NCALD: variants seen among roughly 807,000 people sequenced by gnomAD.
NCALD encodes the protein neurocalcin delta.
Under a neutral mutation model 18.6 loss-of-function variants are expected in NCALD, and 10 were observed. The ratio of observed to expected loss-of-function variants is 0.54; its 90% CI spans 0.33 to 0.91. The LOEUF is 0.91. Among genes scored for constraint, NCALD ranks in the 40% least tolerant of loss-of-function variants. NCALD has a pLI of 0.03. For missense variants in NCALD, 184 were observed against 247.6 expected (o/e 0.74, Z 1.72); for synonymous variants, 88 against 87.4 (o/e 1.01, Z -0.04).
intron 4 of NCALD, among the ~76,000 whole-genome samples, chr8:101,880,316 C>CA (rs1816435143): frequency 1.3e-5 from 2 of 152,208 alleles, no homozygotes; most frequent in African/African-American, 4.8e-5. Flanking sequence ...GAGCCCGAGC[C>CA]CACGCCCACC....
chr8:101,985,675 G>T (rs1306998226), intron 2 of NCALD, among the ~76,000 whole-genome samples: 1 of 152,196 alleles, frequency 6.6e-6, no homozygotes, highest in Non-Finnish European at 1.5e-5. Context: ...TAATGTTGCT[G>T]GGACCAGAAA....
intron 1 of NCALD, among the ~76,000 whole-genome samples, chr8:102,112,243 C>A (rs1024244097): frequency 6.6e-6 from 1 of 152,064 alleles, no homozygotes; most frequent in Non-Finnish European, 1.5e-5. Context: ...TTCTACTTAA[C>A]CCTCTCAACC....
intron 2 of NCALD, among the ~76,000 whole-genome samples, chr8:101,949,786 A>G (rs1819319098): frequency 6.6e-6 from 1 of 151,832 alleles, no homozygotes; most frequent in Non-Finnish European, 1.5e-5. Context: ...AAAAAAAAAA[A>G]TCAGGTGATA....
intron 1 of NCALD, among the ~76,000 whole-genome samples, chr8:102,038,213 A>C (rs1317094891): frequency 6.6e-6 from 1 of 152,122 alleles, no homozygotes; most frequent in Non-Finnish European, 1.5e-5. Context: ...TGAGATTTAC[A>C]TTGCCCCTAG....
At chr8:102,047,807 C>T (rs905464955) in intron 1 of NCALD, among the ~76,000 whole-genome samples, 4 of 152,078 alleles carry the variant, frequency 2.6e-5, no homozygotes, top group Non-Finnish European at 5.9e-5. Context: ...ATACAGGACC[C>T]CTCCAGTTCT....
intron 2 of NCALD, among the ~76,000 whole-genome samples, chr8:101,709,569 C>T (rs78199821): frequency 0.026 from 3,943 of 152,288 alleles, 134 homozygotes; most frequent in African/African-American, 0.078. Flanking sequence ...ATTAGCTCCC[C>T]GGGAGTGCTG....
chr8:102,056,635 G>A (rs1347062106), intron 1 of NCALD, among the ~76,000 whole-genome samples: 1 of 152,242 alleles, frequency 6.6e-6, no homozygotes, highest in East Asian at 1.9e-4. Context: ...TGAGCTGAGA[G>A]AAATCACAAG....
chr8:101,978,260 TAGTTAAG>T (rs1330097733), intron 2 of NCALD, among the ~76,000 whole-genome samples: 3 of 152,214 alleles, frequency 2.0e-5, no homozygotes, highest in Non-Finnish European at 4.4e-5. Context: ...TTTTATCCTT[TAGTTAAG>T]CAAATGGCAA....
chr8:101,709,428 T>G lies in NCALD; in HGVS notation c.378+9824A>C, dbSNP rs185626490. On this transcript the variant is annotated intron_variant, in intron 2 of 3. Transcript: ENST00000220931. Reference sequence around the variant, plus strand: ...TCTAAGCCTATCATTTTCATTGAGTTGTAAGGATAAAGAATGCAGCGTGTA... The same window carrying G: ...TCTAAGCCTATCATTTTCATTGAGTGGTAAGGATAAAGAATGCAGCGTGTA... 5.5e-3 allele frequency among the ~76,000 whole-genome samples: 831 copies of G among 152,288 alleles called. 3 individuals carry two copies. Among genetic ancestry groups the G allele is most frequent in the Non-Finnish European group, 9.6e-3 (654 of 68,004 alleles).
At chr8:101,726,439 C>T (rs951394259) in intron 1 of NCALD, among the ~76,000 whole-genome samples, 6 of 151,992 alleles carry the variant, frequency 3.9e-5, no homozygotes, top group South Asian at 2.1e-4. Flanking sequence ...GGTTGTATTC[C>T]AGGTACTGCT....
At chr8:102,008,916 CTA>C (rs1491473760) in intron 2 of NCALD, among the ~76,000 whole-genome samples, 5 of 21,224 alleles carry the variant, frequency 2.4e-4, no homozygotes, top group African/African-American at 7.5e-4. Context: ...CCCCGCCCCC[CTA>C]CACACACACA....
At chr8:101,843,483 C>T (rs1814730312) in intron 4 of NCALD, among the ~76,000 whole-genome samples, 1 of 152,000 alleles carries the variant, frequency 6.6e-6, no homozygotes, top group South Asian at 2.1e-4. Context: ...CTATCTCTGC[C>T]CTTCATAATT....
chr8:101,772,267 A>G (rs573228079), intron 1 of NCALD, among the ~76,000 whole-genome samples: 1 of 152,334 alleles, frequency 6.6e-6, no homozygotes, highest in East Asian at 1.9e-4. Flanking sequence ...GAAACATGCT[A>G]ACTTTCATTC....
chr8:102,062,977 A>T (rs866404397), intron 1 of NCALD, among the ~76,000 whole-genome samples: 60 of 152,160 alleles, frequency 3.9e-4, no homozygotes, highest in African/African-American at 1.4e-3. Flanking sequence ...AGAAAAAAAA[A>T]TCCTCAAGGA....
At chr8:102,022,231 G>T (rs1163255300) in intron 1 of NCALD, among the ~76,000 whole-genome samples, 1 of 152,134 alleles carries the variant, frequency 6.6e-6, no homozygotes, top group Non-Finnish European at 1.5e-5. Context: ...GGGAGGGTGG[G>T]TCTGAAAGAA....
chr8:101,752,170 T>C (rs1202405909), intron 1 of NCALD, among the ~76,000 whole-genome samples: 1 of 152,174 alleles, frequency 6.6e-6, no homozygotes, highest in Non-Finnish European at 1.5e-5. Context: ...CAGTAAAATA[T>C]ATATAATTCA....
intron 4 of NCALD, among the ~76,000 whole-genome samples, chr8:101,877,241 C>T (rs1816264194): frequency 1.3e-5 from 2 of 152,146 alleles, no homozygotes; most frequent in South Asian, 4.1e-4. Context: ...TGAGGATAAT[C>T]AACATTGCAG....
At chr8:102,078,058 A>T (rs1358008069) in intron 1 of NCALD, among the ~76,000 whole-genome samples, 1 of 152,144 alleles carries the variant, frequency 6.6e-6, no homozygotes, top group Non-Finnish European at 1.5e-5. Context: ...TGTCCAAAAC[A>T]TGAATTTATT....
At chr8:101,768,195 C>T (rs1410105276) in intron 1 of NCALD, among the ~76,000 whole-genome samples, 1 of 152,168 alleles carries the variant, frequency 6.6e-6, no homozygotes, top group Admixed American at 6.5e-5. Context: ...ATACATGTTA[C>T]ATTTGCAAGA....
Sources: gnomAD v4.1 joint callset for allele counts (sites outside exome capture counted in the v4.1 genomes callset) on GRCh38, gnomAD v4.1.1 for gene constraint, MANE v1.5 for transcripts, NCBI Gene and HGNC (gene_info 2026-07-23, HGNC 2026-07-21) for gene names.